The following FOXP2 variants were observed in gnomAD, a reference collection of about 807,000 sequenced individuals.
The protein encoded by FOXP2 is forkhead box protein P2.
FOXP2 carries 12 observed loss-of-function variants against 115.8 expected under a neutral mutation model. The observed-to-expected ratio is 0.10, with a 90% CI of 0.07 to 0.17. The LOEUF (loss-of-function observed/expected upper bound fraction) is 0.17. Ranked by LOEUF, FOXP2 falls within the 10% of genes least tolerant of loss-of-function variation. The probability of loss-of-function intolerance (pLI) is 1.00; values close to 1 mark genes in which losing one functional copy is unlikely to be tolerated. For synonymous variants in FOXP2, 328 were observed against 297.7 expected (o/e 1.10, Z -1.05); for missense variants, 629 against 843.5 (o/e 0.75, Z 3.15).
intron 3 of FOXP2, among the ~76,000 whole-genome samples, chr7:114,537,890 C>G (rs1204807951): frequency 2.6e-5 from 4 of 151,494 alleles, no homozygotes; most frequent in African/African-American, 9.7e-5. Flanking sequence ...CAAATGGGAG[C>G]CAATATTAAC....
intron 1 of FOXP2, among the ~76,000 whole-genome samples, chr7:114,249,219 AT>A (rs1795368441): frequency 6.6e-6 from 1 of 152,098 alleles, no homozygotes; most frequent in African/African-American, 2.4e-5. Context: ...ATTTTATTTT[AT>A]TTTAAGTTCT....
chr7:114,435,824 C>T (rs1794319309), intron 2 of FOXP2, among the ~76,000 whole-genome samples: 2 of 152,284 alleles, frequency 1.3e-5, no homozygotes, highest in South Asian at 2.1e-4. Flanking sequence ...CAGGCGTGAG[C>T]CATTGTGCCC....
At chr7:114,626,491 C>T (rs539209432) in intron 3 of FOXP2, among the ~76,000 whole-genome samples, 3 of 151,648 alleles carry the variant, frequency 2.0e-5, no homozygotes, top group Admixed American at 6.6e-5. Flanking sequence ...AAGAAAAGTG[C>T]GACAAGCTTC....
At chr7:114,519,810 T>C (rs1445537622) in intron 2 of FOXP2, among the ~76,000 whole-genome samples, 2 of 152,280 alleles carry the variant, frequency 1.3e-5, no homozygotes, top group Non-Finnish European at 1.5e-5. Flanking sequence ...TTGGGATTTC[T>C]CCAAGATTAC....
In FOXP2 at chr7:114,588,345, C is replaced by A. The variant is rs546707218; in HGVS notation, c.259-40195C>A. On this transcript the variant is annotated intron_variant, in intron 3 of 16. Transcript: ENST00000350908. ...AAAACAAAAACAAAAAACAAACAAA[C>A]AAAAAAACTTTAAAGGAACCAAATA... 1.7e-4 allele frequency among the ~76,000 whole-genome samples: 26 copies of A among 151,656 alleles called. No homozygotes were observed. The East Asian group carries it at 4.7e-3, about 27-fold the overall frequency.
At chr7:114,547,032 G>A (rs7781807) in intron 3 of FOXP2, among the ~76,000 whole-genome samples, 26,156 of 152,022 alleles carry the variant, frequency 0.17, 2,692 homozygotes, top group African/African-American at 0.29. Flanking sequence ...TTATCAGGTT[G>A]TCTGTTTTTG....
At chr7:114,454,898 T>G in intron 2 of FOXP2, among the ~76,000 whole-genome samples, 1 of 126,590 alleles carries the variant, frequency 7.9e-6, no homozygotes, top group African/African-American at 3.1e-5. Context: ...AGGGATAGCA[T>G]TGGGAGATAT....
At chr7:114,252,696 A>G (rs1049708005) in intron 1 of FOXP2, among the ~76,000 whole-genome samples, 2 of 151,956 alleles carry the variant, frequency 1.3e-5, no homozygotes, top group African/African-American at 4.8e-5. Flanking sequence ...CTTCTTTATT[A>G]GTCTCGCTAG....
chr7:114,465,467 A>G (rs953884523), intron 2 of FOXP2, among the ~76,000 whole-genome samples: 1 of 152,194 alleles, frequency 6.6e-6, no homozygotes, highest in African/African-American at 2.4e-5. Flanking sequence ...AGCCCATTTT[A>G]TTTGATTCTA....
chr7:114,592,885 A>T (rs922439841), intron 3 of FOXP2, among the ~76,000 whole-genome samples: 29 of 151,996 alleles, frequency 1.9e-4, no homozygotes, highest in African/African-American at 7.0e-4. Flanking sequence ...CAACAAATTG[A>T]AGCACCAAAT....
At chr7:114,299,236 A>G (rs1054757479) in intron 2 of FOXP2, among the ~76,000 whole-genome samples, 55 of 152,214 alleles carry the variant, frequency 3.6e-4, no homozygotes, top group African/African-American at 1.3e-3. Context: ...AGCAATAGGT[A>G]TATATTGGGA....
intron 2 of FOXP2, among the ~76,000 whole-genome samples, chr7:114,377,410 GGTAATAGAAAA>G (rs1366883146): frequency 6.6e-6 from 1 of 152,136 alleles, no homozygotes; most frequent in African/African-American, 2.4e-5. Context: ...ATTCTGGGGA[GGTAATAGAAAA>G]GAAGTACAAG....
At chr7:114,103,700 G>GA (rs536473701) in intron 1 of FOXP2, among the ~76,000 whole-genome samples, 92 of 152,014 alleles carry the variant, frequency 6.1e-4, no homozygotes, top group Middle Eastern at 3.4e-3. Flanking sequence ...ATCTCTTTTT[G>GA]ACAGGAGATT....
chr7:114,630,044 A>C (rs1170989732), intron 5 of FOXP2, 39 bp downstream of exon 5: 1 of 1,604,104 alleles, frequency 6.2e-7, no homozygotes, highest in East Asian at 2.2e-5. Flanking sequence ...AACAGTTTGC[A>C]GTTAAGAAGG....
intron 1 of FOXP2, among the ~76,000 whole-genome samples, chr7:114,238,313 A>C (rs1032357480): frequency 2.3e-4 from 35 of 152,070 alleles, no homozygotes; most frequent in Middle Eastern, 3.4e-3. Flanking sequence ...TCCTTAGGAA[A>C]TTGTGATTAG....
At chr7:114,235,384 A>G (rs1794984620) in intron 1 of FOXP2, among the ~76,000 whole-genome samples, 1 of 151,600 alleles carries the variant, frequency 6.6e-6, no homozygotes, top group South Asian at 2.1e-4. Context: ...TTCTTGCAGC[A>G]CCTATGTTTT....
intron 1 of FOXP2, among the ~76,000 whole-genome samples, chr7:114,262,085 C>T (rs1443475667): frequency 1.3e-5 from 2 of 151,676 alleles, no homozygotes. Context: ...AAAAAAAATG[C>T]ATCTAGGGCA....
At chr7:114,562,968 T>A (rs1352576732) in intron 3 of FOXP2, among the ~76,000 whole-genome samples, 1 of 152,138 alleles carries the variant, frequency 6.6e-6, no homozygotes, top group Non-Finnish European at 1.5e-5. Flanking sequence ...CAGTTCCACA[T>A]GGCTGGGGAG....
At position 114,127,060 on chromosome 7, in the gene FOXP2, T is replaced by A. The variant is rs1791730355; in HGVS notation, c.-246-35884T>A. On this transcript the variant is annotated intron_variant, in intron 1 of 19. Transcript: ENST00000635638. ...CTGAAGTCTCATCTGAATGCTCAAC[T>A]GGGAAAAGACCTGTTTCATTCCAAT... is the stretch of plus-strand genomic sequence containing the variant. Among the ~76,000 whole-genome samples the A allele has an allele frequency of 2.0e-5, 3 of 152,192 alleles. No homozygotes were observed. The South Asian group carries it at 6.2e-4, about 32-fold the overall frequency.
Sources: allele counts gnomAD v4.1 joint callset (sites outside exome capture counted in the v4.1 genomes callset), GRCh38; gene constraint gnomAD v4.1.1; transcripts MANE v1.5; gene names NCBI Gene and HGNC (gene_info 2026-07-23, HGNC 2026-07-21).